The following MCC variants were observed in gnomAD, a reference collection of about 807,000 sequenced individuals.
MCC encodes the protein MCC regulator of Wnt signaling pathway.
MCC carries 90 observed loss-of-function variants against 116.2 expected under a neutral mutation model. That is an observed-to-expected ratio of 0.77 (90% CI 0.65 to 0.92). The LOEUF is 0.92. Among genes scored for constraint, MCC ranks in the 40% least tolerant of loss-of-function variants. The pLI is 0.00. For synonymous variants in MCC, 578 were observed against 510.5 expected, an observed-to-expected ratio of 1.13 and a Z score of -1.78; for missense variants, 1,516 against 1,312.2, an observed-to-expected ratio of 1.16 and a Z score of -2.40.
At chr5:113,135,584 C>G (rs750420312) in intron 5 of MCC, among the ~76,000 whole-genome samples, 13 of 145,350 alleles carry the variant, frequency 8.9e-5, no homozygotes, top group Non-Finnish European at 1.8e-4. Context: ...AAAAATTATT[C>G]TTAGGTATTT....
At chr5:113,169,751 G>GAA (rs1327102025) in intron 3 of MCC, among the ~76,000 whole-genome samples, 1 of 152,156 alleles carries the variant, frequency 6.6e-6, no homozygotes, top group Non-Finnish European at 1.5e-5. Context: ...GAAAAAAACA[G>GAA]AAAGCTCTGC....
chr5:113,349,226 A>G (rs568886779), intron 2 of MCC, among the ~76,000 whole-genome samples: 84 of 152,198 alleles, frequency 5.5e-4, no homozygotes, highest in Admixed American at 3.1e-3. Flanking sequence ...CCGATACCAA[A>G]ACCAGAAAAA....
intron 3 of MCC, among the ~76,000 whole-genome samples, chr5:113,199,378 T>C (rs1363471342): frequency 6.6e-6 from 1 of 151,984 alleles, no homozygotes; most frequent in African/African-American, 2.4e-5. Flanking sequence ...GTAAGCTAAA[T>C]TGCCAAATCT....
chr5:113,190,531 AG>A (rs200730289), intron 3 of MCC, among the ~76,000 whole-genome samples: 1 of 152,178 alleles, frequency 6.6e-6, no homozygotes, highest in African/African-American at 2.4e-5. Context: ...CCTAATTCTA[AG>A]GGGGAAAACT....
At chr5:113,326,207 C>T (rs1041390184) in intron 3 of MCC, among the ~76,000 whole-genome samples, 1 of 152,102 alleles carries the variant, frequency 6.6e-6, no homozygotes, top group Non-Finnish European at 1.5e-5. Context: ...CCAAGGCTAC[C>T]TGGTTAAAGG....
At chr5:113,320,234 A>G (rs1326195897) in intron 3 of MCC, among the ~76,000 whole-genome samples, 1 of 152,036 alleles carries the variant, frequency 6.6e-6, no homozygotes, top group Non-Finnish European at 1.5e-5. Flanking sequence ...ACCCACATTC[A>G]TGCATTCAAG....
intron 1 of MCC, among the ~76,000 whole-genome samples, chr5:113,438,439 G>C (rs558650197): frequency 1.8e-4 from 27 of 152,098 alleles, no homozygotes; most frequent in Admixed American, 1.4e-3. Context: ...AATAGATGAA[G>C]TTATCTAATT....
At chr5:113,126,951 T>C (rs1184044134) in intron 5 of MCC, among the ~76,000 whole-genome samples, 2 of 152,300 alleles carry the variant, frequency 1.3e-5, no homozygotes, top group South Asian at 2.1e-4. Flanking sequence ...TTGGGGGGTT[T>C]GTTGTACAGA....
chr5:113,472,988 A>G (rs1772135586), intron 1 of MCC, among the ~76,000 whole-genome samples: 1 of 152,226 alleles, frequency 6.6e-6, no homozygotes, highest in Non-Finnish European at 1.5e-5. Flanking sequence ...AGTGTGAGAG[A>G]TACAAAGACA....
intron 11 of MCC, among the ~76,000 whole-genome samples, chr5:113,073,833 G>A (rs182507198): frequency 2.0e-5 from 3 of 152,330 alleles, no homozygotes; most frequent in East Asian, 1.9e-4. Context: ...GTTGGGGGAC[G>A]GGCGTCCGCC....
intron 3 of MCC, among the ~76,000 whole-genome samples, chr5:113,241,924 C>G (rs1390109946): frequency 6.6e-6 from 1 of 152,192 alleles, no homozygotes; most frequent in African/African-American, 2.4e-5. Context: ...AGCTTCAAAT[C>G]AGATTTTTTA....
chr5:113,270,715 G>A (rs1765580940), intron 3 of MCC, among the ~76,000 whole-genome samples: 1 of 149,462 alleles, frequency 6.7e-6, no homozygotes, highest in Non-Finnish European at 1.5e-5. Context: ...AGAAAGTTGA[G>A]AAACAAAAAT....
intron 14 of MCC, among the ~76,000 whole-genome samples, chr5:113,054,969 T>G (rs1437079493): frequency 1.3e-5 from 2 of 152,196 alleles, no homozygotes; most frequent in Non-Finnish European, 1.5e-5. Flanking sequence ...CTGAGGCCAG[T>G]GTGCACCGAC....
intron 1 of MCC, among the ~76,000 whole-genome samples, chr5:113,421,671 A>G (rs557382610): frequency 6.6e-6 from 1 of 152,024 alleles, no homozygotes; most frequent in South Asian, 2.1e-4. Context: ...TCTTCCTGTG[A>G]CTCTGTTCTA....
chr5:113,141,267 G>C (rs1759166116), intron 5 of MCC, among the ~76,000 whole-genome samples: 1 of 152,104 alleles, frequency 6.6e-6, no homozygotes, highest in Non-Finnish European at 1.5e-5. Flanking sequence ...CTTTGGCTTG[G>C]ACTGAGATTT....
chr5:113,316,267 AAAAAG>A (rs1433287555), intron 3 of MCC, among the ~76,000 whole-genome samples: 14 of 152,104 alleles, frequency 9.2e-5, no homozygotes, highest in African/African-American at 3.1e-4. Context: ...AAAAAAAAAA[AAAAAG>A]AAAGAGATAT....
chr5:113,099,666 AC>A (rs1234180920), intron 8 of MCC, among the ~76,000 whole-genome samples: 1 of 152,224 alleles, frequency 6.6e-6, no homozygotes, highest in Non-Finnish European at 1.5e-5. Flanking sequence ...GCTGTGCATG[AC>A]CCAGGCAATC....
chr5:113,064,799 G>A (rs1271279928), intron 13 of MCC, among the ~76,000 whole-genome samples: 1 of 152,158 alleles, frequency 6.6e-6, no homozygotes, highest in Non-Finnish European at 1.5e-5. Flanking sequence ...GGTGTGGTGG[G>A]CACTCGCACA....
At position 113,283,718 on chromosome 5, in the gene MCC, A is replaced by C. The variant is rs780340843; in HGVS notation, c.627+56801T>G. On this transcript the variant is annotated intron_variant, in intron 3 of 18. Transcript: ENST00000408903. ...GGCTCCAACAATCTTTGTCAATAAA[A>C]GCCTGTTGAGAGCAATTACAACACA... 2.6e-5 allele frequency among the ~76,000 whole-genome samples: 4 copies of C among 152,342 alleles called. No individual in the cohort carries two copies. The South Asian group carries it at 8.3e-4, about 32-fold the overall frequency.
Sources: gnomAD v4.1 joint callset for allele counts (sites outside exome capture counted in the v4.1 genomes callset) on GRCh38, gnomAD v4.1.1 for gene constraint, MANE v1.5 for transcripts, NCBI Gene and HGNC (gene_info 2026-07-23, HGNC 2026-07-21) for gene names.